The following CHAF1A variants were observed in gnomAD, a reference collection of about 807,000 sequenced individuals.
CHAF1A encodes the protein CAF-1 subunit A.
CHAF1A carries 5 observed loss-of-function variants against 93.2 expected under a neutral mutation model. The observed-to-expected ratio is 0.05, with a 90% CI of 0.03 to 0.11. The LOEUF (loss-of-function observed/expected upper bound fraction) is 0.11. Among genes scored for constraint, CHAF1A ranks in the 10% least tolerant of loss-of-function variants. The pLI, the probability that CHAF1A is intolerant of heterozygous loss-of-function variation, is 1.00. For missense variants in CHAF1A, 1,102 were observed against 1,259.9 expected (o/e 0.87, Z 1.90); for synonymous variants, 504 against 510.3 (o/e 0.99, Z 0.17).
chr19:4,446,946 G>C (rs748387045), downstream of CHAF1A: 3 of 1,610,322 alleles, frequency 1.9e-6, no homozygotes, highest in South Asian at 1.1e-5. Flanking sequence ...GGCGTCACTG[G>C]GGGCCCCTGG....
Position 4,428,550 on chromosome 19 carries a change from T to C in CHAF1A, c.1378-114T>C, listed in dbSNP as rs577764216. 22 of 881,340 alleles carry C rather than the reference T, an allele frequency of 2.5e-5. 1 individual carries two copies. The South Asian group carries it at 3.4e-4, about 14-fold the overall frequency. 54.6% of individuals were successfully genotyped at this position (881,340 alleles called of 1,614,324 possible). A position where few individuals can be genotyped will look rare whatever the true frequency, so the allele number is the denominator to read the frequency against. ...CCCACACAGTGCCTGGGCTTTTGAG[T>C]CTGTGCCTTGGCCTTAGCCTGGATG... On this transcript the variant is annotated intron_variant, in intron 7 of 14. Transcript: ENST00000301280.
chr19:4,435,087 C>CTTT (rs869255408), intron 13 of CHAF1A, among the ~76,000 whole-genome samples: 1,092 of 87,872 alleles, frequency 0.012, 11 homozygotes, highest in African/African-American at 0.02. Context: ...CTTTTTTTTC[C>CTTT]TTTTTTTTTT....
chr19:4,430,474 G>GGCC, intron 10 of CHAF1A, 75 bp from the exon 11 acceptor site: 2 of 989,666 alleles, frequency 2.0e-6, no homozygotes, highest in Non-Finnish European at 3.2e-6. Flanking sequence ...CACTGCGCCT[G>GGCC]GCCTACTTTG....
intron 12 of CHAF1A, among the ~76,000 whole-genome samples, chr19:4,432,499 G>C (rs1974203450): frequency 6.6e-6 from 1 of 152,156 alleles, no homozygotes; most frequent in East Asian, 1.9e-4. Context: ...AGTGCCTCAT[G>C]CCTGTGATGC....
Position 4,443,032 on chromosome 19 carries a change from G to A in CHAF1A, c.*7G>A. ...CCCACTGGGTGCATCCTGAGAGCAG[G>A]GGTGACGTATGTAGAATGCTTAGGG... On this transcript the variant is annotated 3_prime_UTR_variant, in exon 15 of 15. Transcript: ENST00000301280. The A allele has an allele frequency of 6.4e-7, 1 of 1,553,262 alleles. No individual in the cohort carries two copies. Among genetic ancestry groups the A allele is most frequent in the Non-Finnish European group, 8.8e-7 (1 of 1,138,698 alleles).
chr19:4,438,524 G>T (rs982444607), intron 13 of CHAF1A, among the ~76,000 whole-genome samples: 5 of 152,030 alleles, frequency 3.3e-5, no homozygotes, highest in African/African-American at 1.2e-4. Context: ...GCTCAAAAGA[G>T]ATATTCTTAA....
At chr19:4,430,913 A>G (rs896189583) in intron 11 of CHAF1A, 1 of 455,894 alleles carries the variant, frequency 2.2e-6, no homozygotes, top group African/African-American at 2.0e-5. Context: ...TGTGGGTTAG[A>G]AGGCTGGAAA....
rs1305111492 is a variant in CHAF1A, at chr19:4,442,928, T to A, written c.2774T>A (p.Val925Asp). Residue 925 changes from valine to aspartate, a missense_variant, in exon 15 of 15, where the codon GTC (valine) becomes GAC (aspartate). Coordinates refer to ENST00000301280, the MANE Select transcript of CHAF1A (RefSeq NM_005483.3). ...MIVDVPDAAE[V>D]QAPCGAASGA... ...CCCTCCCTCTCTTGCCCTGCAGAGG[T>A]CCAAGCCCCGTGTGGAGCCGCTTCC... 1.3e-6 allele frequency: 2 copies of A among 1,589,578 alleles called. No individual in the cohort carries two copies. Among genetic ancestry groups the A allele is most frequent in the Admixed American group, 3.5e-5 (2 of 57,244 alleles).
chr19:4,402,756 CG>C lies in CHAF1A; in HGVS notation c.-3del. 1 of 1,202,760 alleles carries C rather than the reference CG, an allele frequency of 8.3e-7. No homozygotes were observed. The highest frequency in any genetic ancestry group is 1.0e-6 in the Non-Finnish European group (1 of 969,084). 74.5% of individuals were successfully genotyped at this position (1,202,760 alleles called of 1,614,324 possible). On this transcript the variant is annotated 5_prime_UTR_variant, in exon 1 of 15. Coordinates refer to ENST00000301280, the MANE Select transcript of CHAF1A (RefSeq NM_005483.3). ...GCCTGAGAGGAGGTCGAGCTGCCGC[CG>C]GGGCGATGCTGGAGGAGCTGGAGTG...
At chr19:4,421,344 G>C (rs1282886007) in intron 4 of CHAF1A, among the ~76,000 whole-genome samples, 1 of 152,086 alleles carries the variant, frequency 6.6e-6, no homozygotes, top group Non-Finnish European at 1.5e-5. Context: ...AAAGTGCTGG[G>C]ATTATAGGTG....
downstream of CHAF1A, chr19:4,448,592 G>A (rs1974590849): frequency 1.1e-5 from 7 of 615,882 alleles, no homozygotes; most frequent in East Asian, 1.1e-4. Flanking sequence ...CCCTGCCCAC[G>A]CCCCAGGGCA....
chr19:4,434,087 C>T (rs1297846062), intron 13 of CHAF1A, among the ~76,000 whole-genome samples: 1 of 152,056 alleles, frequency 6.6e-6, no homozygotes, highest in Non-Finnish European at 1.5e-5. Flanking sequence ...TGGCTCACGC[C>T]TGTAGTCTCA....
chr19:4,429,977 C>G (rs1158371107), intron 10 of CHAF1A, 189 bp downstream of exon 10: 1 of 576,134 alleles, frequency 1.7e-6, no homozygotes, highest in South Asian at 2.1e-5. Flanking sequence ...AAAATCTCAT[C>G]TGGTGACACT....
At chr19:4,440,646 T>A (rs1229618654) in intron 13 of CHAF1A, among the ~76,000 whole-genome samples, 1 of 151,682 alleles carries the variant, frequency 6.6e-6, no homozygotes, top group Non-Finnish European at 1.5e-5. Flanking sequence ...CTCAGGCAAT[T>A]TCATGGTTGG....
chr19:4,413,997 A>G (rs908148887), intron 3 of CHAF1A, among the ~76,000 whole-genome samples: 5 of 152,230 alleles, frequency 3.3e-5, no homozygotes, highest in Admixed American at 2.0e-4. Flanking sequence ...ACAAATGATC[A>G]TGTTGGTGCA....
At chr19:4,447,384 C>T (rs1599674712), downstream of CHAF1A, 3 of 680,366 alleles carry the variant, frequency 4.4e-6, no homozygotes, top group East Asian at 2.7e-5. Context: ...TCTTGCTCTC[C>T]ATCTTGTCCT....
In CHAF1A at chr19:4,430,180, A is replaced by G. The variant is rs139501432; in HGVS notation, c.1855-369A>G. 30 of 320,706 alleles carry G rather than the reference A, an allele frequency of 9.4e-5. No homozygotes were observed. In the East Asian group the frequency reaches 2.3e-3, roughly 24 times the overall value. The allele number at this position is 320,706 out of a possible 1,614,324, so 19.9% of individuals were successfully genotyped here. A position where few individuals can be genotyped will look rare whatever the true frequency, so the allele number is the denominator to read the frequency against. ...GCAAAGCAGATGTTCACAGCTTTAC[A>G]TTTTTTTGTTTCTTTAAGATGGAGT... On this transcript the variant is annotated intron_variant, in intron 10 of 14. Coordinates refer to ENST00000301280, the MANE Select transcript of CHAF1A (RefSeq NM_005483.3).
At chr19:4,442,196 G>T in intron 13 of CHAF1A, 49 bp from the exon 14 acceptor site, 4 of 1,516,960 alleles carry the variant, frequency 2.6e-6, no homozygotes, top group Non-Finnish European at 3.7e-6. Context: ...ACTGGCACCA[G>T]GGTGGCTGCT....
At chr19:4,408,058 G>T (rs112886546) in intron 2 of CHAF1A, among the ~76,000 whole-genome samples, 1 of 151,534 alleles carries the variant, frequency 6.6e-6, no homozygotes, top group Non-Finnish European at 1.5e-5. Flanking sequence ...CCAGGCTGCA[G>T]AGTAGTTGCA....
Sources: gnomAD v4.1 joint callset for allele counts (sites outside exome capture counted in the v4.1 genomes callset) on GRCh38, gnomAD v4.1.1 for gene constraint, MANE v1.5 for transcripts, NCBI Gene and HGNC (gene_info 2026-07-23, HGNC 2026-07-21) for gene names.